Variants in CBLB observed in about 807,000 individuals in gnomAD.
The protein encoded by CBLB is E3 ubiquitin-protein ligase CBL-B.
Under a neutral mutation model 104.9 loss-of-function variants are expected in CBLB, and 31 were observed. The ratio of observed to expected loss-of-function variants is 0.30; its 90% CI spans 0.22 to 0.40. The LOEUF (loss-of-function observed/expected upper bound fraction) is 0.40, where lower values mean the gene tolerates loss of function less well. CBLB is among the 10% of genes least tolerant of loss of function. The pLI is 1.00. For synonymous variants in CBLB, 440 were observed against 422.6 expected (o/e 1.04, Z -0.51); for missense variants, 1,062 against 1,214.6 (o/e 0.87, Z 1.87).
intron 3 of CBLB, among the ~76,000 whole-genome samples, chr3:105,790,493 T>C (rs2081507760): frequency 6.6e-6 from 1 of 152,256 alleles, no homozygotes; most frequent in Admixed American, 6.5e-5. Context: ...TAAAGTTTAT[T>C]CACTCAATGA....
In CBLB at chr3:105,735,208, T is replaced by C. The variant is rs544942437; in HGVS notation, c.1072-1068A>G. 9.5e-4 allele frequency among the ~76,000 whole-genome samples: 145 copies of C among 152,340 alleles called. 1 individual carries two copies. The highest frequency in any genetic ancestry group is 3.4e-3 in the African/African-American group (143 of 41,570). Reference sequence around the variant, plus strand: ...ATAAACATACATGGATACATATGCATGTACATGCAGGTACACACATGTACA... The same window carrying C: ...ATAAACATACATGGATACATATGCACGTACATGCAGGTACACACATGTACA... On this transcript the variant is annotated intron_variant, in intron 8 of 18. Coordinates refer to ENST00000394030, the MANE Select transcript of CBLB (RefSeq NM_170662.5).
chr3:105,831,820 T>C (rs2087572407), intron 3 of CBLB, among the ~76,000 whole-genome samples: 1 of 152,204 alleles, frequency 6.6e-6, no homozygotes, highest in Non-Finnish European at 1.5e-5. Context: ...AAGTAGAACA[T>C]ACCTCAGAAC....
At chr3:105,791,035 G>C (rs2081572280) in intron 3 of CBLB, among the ~76,000 whole-genome samples, 1 of 152,086 alleles carries the variant, frequency 6.6e-6, no homozygotes, top group Non-Finnish European at 1.5e-5. Flanking sequence ...TCAATAATAC[G>C]TTATCACCAG....
intron 3 of CBLB, among the ~76,000 whole-genome samples, chr3:105,777,558 G>A (rs1204233985): frequency 5.3e-5 from 8 of 152,168 alleles, no homozygotes; most frequent in African/African-American, 1.9e-4. Context: ...GGAGGCAGAG[G>A]TTCAGTGAGA....
At chr3:105,683,638 A>T (rs1353052483) in intron 14 of CBLB, among the ~76,000 whole-genome samples, 1 of 152,218 alleles carries the variant, frequency 6.6e-6, no homozygotes, top group African/African-American at 2.4e-5. Context: ...CATTTGTAAG[A>T]GCCAAAGAAC....
At chr3:105,770,374 T>A (rs1577044551) in intron 4 of CBLB, among the ~76,000 whole-genome samples, 1 of 152,282 alleles carries the variant, frequency 6.6e-6, no homozygotes, top group Middle Eastern at 3.4e-3. Context: ...GGAGAAGCCC[T>A]TCACCCTTCC....
At chr3:105,766,339 G>A (rs1024151955) in intron 4 of CBLB, among the ~76,000 whole-genome samples, 5 of 152,142 alleles carry the variant, frequency 3.3e-5, no homozygotes, top group African/African-American at 1.2e-4. Context: ...GCAGACACTT[G>A]GTTGATAAAG....
rs1390927508 is a variant in CBLB at position 105,658,178 on chromosome 3, T to G, written c.*792A>C. ...AGCTGCTTTCTAATATTGTAGATTT[T>G]TACAGTTGTGACACCCCTGGGATGA... On this transcript the variant is annotated 3_prime_UTR_variant, in exon 19 of 19. Coordinates refer to ENST00000394030, the MANE Select transcript of CBLB (RefSeq NM_170662.5). The G allele has an allele frequency of 4.6e-6, 1 of 216,354 alleles. No homozygotes were observed. The highest frequency in any genetic ancestry group is 5.8e-5 in the Admixed American group (1 of 17,110). The allele number at this position is 216,354 out of a possible 1,614,324, so 13.4% of individuals were successfully genotyped here. A position where few individuals can be genotyped will look rare whatever the true frequency, so the allele number is the denominator to read the frequency against.
At chr3:105,774,923 T>C (rs1420162517) in intron 4 of CBLB, among the ~76,000 whole-genome samples, 1 of 152,182 alleles carries the variant, frequency 6.6e-6, no homozygotes, top group Admixed American at 6.5e-5. Flanking sequence ...TACCGACTGT[T>C]TGAACTAAGC....
At chr3:105,691,152 A>T (rs2067641428) in intron 13 of CBLB, among the ~76,000 whole-genome samples, 1 of 152,232 alleles carries the variant, frequency 6.6e-6, no homozygotes, top group Admixed American at 6.5e-5. Flanking sequence ...TATTGTCTAC[A>T]GTGAACAACT....
At chr3:105,693,409 T>C (rs1006006639) in intron 13 of CBLB, 85 bp downstream of exon 13, 3 of 771,614 alleles carry the variant, frequency 3.9e-6, no homozygotes, top group Non-Finnish European at 6.8e-6. Context: ...ATTCATCATG[T>C]AGTGTCTGTA....
chr3:105,726,716 C>T (rs1218368693), intron 9 of CBLB, among the ~76,000 whole-genome samples: 2 of 152,098 alleles, frequency 1.3e-5, no homozygotes, highest in African/African-American at 2.4e-5. Flanking sequence ...CCCCCAGCCG[C>T]TGACAGACCC....
intron 3 of CBLB, among the ~76,000 whole-genome samples, chr3:105,812,854 T>C (rs2084495404): frequency 6.6e-6 from 1 of 152,196 alleles, no homozygotes; most frequent in Admixed American, 6.5e-5. Context: ...AATATCTTAA[T>C]GTCAGTCCTA....
rs564583904 is a variant in CBLB at position 105,741,722 on chromosome 3, C to T, written c.846-1091G>A. The stretch of plus-strand genomic sequence containing the variant: ...TTTTTTGTATTTTTAATAGAGACCA[C>T]GTTAGCCAGGATGGTCTCGATATCC... On this transcript the variant is annotated intron_variant, in intron 6 of 18. Transcript: ENST00000394030. Among the ~76,000 whole-genome samples the T allele has an allele frequency of 9.4e-5, 14 of 149,512 alleles. No individual in the cohort carries two copies. In the South Asian group the frequency reaches 2.2e-3, roughly 23 times the overall value.
intron 18 of CBLB, among the ~76,000 whole-genome samples, chr3:105,669,468 C>T (rs1450326959): frequency 2.0e-5 from 3 of 152,118 alleles, no homozygotes; most frequent in African/African-American, 4.8e-5. Context: ...TAAATGTTTG[C>T]TGTTTAGGCA....
chr3:105,803,946 G>A (rs1482090970), intron 3 of CBLB, among the ~76,000 whole-genome samples: 1 of 152,152 alleles, frequency 6.6e-6, no homozygotes, highest in Non-Finnish European at 1.5e-5. Flanking sequence ...TCGAGAGTAA[G>A]TTTCTTCTGT....
intron 10 of CBLB, among the ~76,000 whole-genome samples, chr3:105,712,152 T>C (rs2152808371): frequency 6.6e-6 from 1 of 152,344 alleles, no homozygotes; most frequent in South Asian, 2.1e-4. Flanking sequence ...TCTCCTGGCC[T>C]ATGATCAGCC....
chr3:105,681,721 T>C lies in CBLB; in HGVS notation c.2296+3A>G, dbSNP rs370943453. The C allele has an allele frequency of 6.2e-7, 1 of 1,600,322 alleles. No individual in the cohort carries two copies. The highest frequency in any genetic ancestry group is 8.6e-7 in the Non-Finnish European group (1 of 1,167,450). ...CACAAAGGAAATTATATTCTATACG[T>C]ACCCTTTAAATATATGCTTAAGTCA... On this transcript the variant is annotated splice_donor_region_variant and intron_variant, in intron 15 of 18. Transcript: ENST00000394030.
intron 3 of CBLB, among the ~76,000 whole-genome samples, chr3:105,827,454 A>C (rs1353894417): frequency 2.0e-5 from 3 of 152,060 alleles, no homozygotes; most frequent in Admixed American, 6.6e-5. Context: ...ATAAACTCAT[A>C]AACTCCCCAA....
Sources: allele counts gnomAD v4.1 joint callset (sites outside exome capture counted in the v4.1 genomes callset), GRCh38; gene constraint gnomAD v4.1.1; transcripts MANE v1.5; gene names NCBI Gene and HGNC (gene_info 2026-07-23, HGNC 2026-07-21).